Variants in PHC2 observed in about 807,000 individuals in gnomAD.
The protein encoded by PHC2 is polyhomeotic homolog 2.
PHC2 carries 29 observed loss-of-function variants against 87.4 expected under a neutral mutation model. The observed-to-expected ratio is 0.33, with a 90% confidence interval of 0.25 to 0.45. The LOEUF (loss-of-function observed/expected upper bound fraction) is 0.45, where lower values mean the gene tolerates loss of function less well. Ranked by LOEUF, PHC2 falls within the 20% of genes least tolerant of loss-of-function variation. The pLI is 1.00. For missense variants in PHC2, 857 were observed against 1,136.7 expected, an observed-to-expected ratio of 0.75 and a Z score of 3.54; for synonymous variants, 438 against 461.7, an observed-to-expected ratio of 0.95 and a Z score of 0.66.
chr1:33,406,479 A>G (rs1027660368), intron 1 of PHC2, among the ~76,000 whole-genome samples: 2 of 152,184 alleles, frequency 1.3e-5, no homozygotes, highest in Admixed American at 6.5e-5. Flanking sequence ...CCAGGTTATG[A>G]CAACCAAAAA....
intron 14 of PHC2, among the ~76,000 whole-genome samples, chr1:33,327,794 G>A (rs1029349637): frequency 1.3e-5 from 2 of 152,172 alleles, no homozygotes; most frequent in Non-Finnish European, 2.9e-5. Flanking sequence ...GGCAAATCAC[G>A]TGAGTGAGGC....
chr1:33,414,213 A>G (rs1557848120), intron 1 of PHC2, among the ~76,000 whole-genome samples: 3 of 151,704 alleles, frequency 2.0e-5, no homozygotes, highest in African/African-American at 7.3e-5. Context: ...ACACACACAC[A>G]CACACAAGAA....
intron 2 of PHC2, among the ~76,000 whole-genome samples, chr1:33,373,466 T>C (rs1647983595): frequency 6.6e-6 from 1 of 152,082 alleles, no homozygotes; most frequent in African/African-American, 2.4e-5. Flanking sequence ...ATTCCCTCTT[T>C]TTAGCTGCTG....
At chr1:33,367,469 G>A (rs1314184089) in intron 6 of PHC2, 41 bp from the exon 7 acceptor site, 2 of 1,442,130 alleles carry the variant, frequency 1.4e-6, no homozygotes, top group Non-Finnish European at 1.9e-6. Context: ...GAATGTGGCA[G>A]GAGCAATGCC....
Position 33,330,089 on chromosome 1 carries a change from G to A in PHC2, c.2130C>T (p.Thr710=). Residue 710 remains threonine, a synonymous_variant, in exon 13 of 15, where the codon ACC becomes ACT. Coordinates refer to ENST00000683057, the MANE Select transcript of PHC2 (RefSeq NM_001385109.1). Reference sequence around the variant, plus strand: ...CTCTTACCTGCTTCTTGGTATCCTTGGTAAGTGGTGGCAGACTGGCTTTGC... The same window carrying A: ...CTCTTACCTGCTTCTTGGTATCCTTAGTAAGTGGTGGCAGACTGGCTTTGC... ...RASKASLPPL[T]KDTKKQPTGT... 1.2e-6 allele frequency: 2 copies of A among 1,614,044 alleles called. No homozygotes were observed. The highest frequency in any genetic ancestry group is 8.5e-7 in the Non-Finnish European group (1 of 1,180,004).
At chr1:33,333,591 G>A (rs1442694241) in intron 10 of PHC2, 1 of 165,804 alleles carries the variant, frequency 6.0e-6, no homozygotes, top group Non-Finnish European at 1.3e-5. Flanking sequence ...CCCCTTTCAA[G>A]GCTCTGTCCC....
At chr1:33,366,734 G>C (rs1647473436) in intron 7 of PHC2, among the ~76,000 whole-genome samples, 1 of 152,210 alleles carries the variant, frequency 6.6e-6, no homozygotes. Flanking sequence ...CTCTCTGTCT[G>C]GTTCTTACAT....
chr1:33,423,959 T>C (rs1047413958), intron 1 of PHC2, among the ~76,000 whole-genome samples: 43 of 152,176 alleles, frequency 2.8e-4, no homozygotes, highest in African/African-American at 1.0e-3. Context: ...TAGCCGGGCA[T>C]GGTGGCACAC....
At chr1:33,415,973 A>G (rs985210187) in intron 1 of PHC2, among the ~76,000 whole-genome samples, 26 of 152,204 alleles carry the variant, frequency 1.7e-4, no homozygotes, top group African/African-American at 5.8e-4. Flanking sequence ...GCACAGAGAC[A>G]CAGGAGACTG....
intron 1 of PHC2, among the ~76,000 whole-genome samples, chr1:33,408,638 T>C (rs972086563): frequency 6.6e-6 from 1 of 152,108 alleles, no homozygotes; most frequent in African/African-American, 2.4e-5. Context: ...TTTTTTTGTT[T>C]GTTTTTTTAG....
chr1:33,328,682 T>G (rs1452623890), intron 14 of PHC2, among the ~76,000 whole-genome samples, 188 bp downstream of exon 14: 1 of 152,220 alleles, frequency 6.6e-6, no homozygotes, highest in Non-Finnish European at 1.5e-5. Context: ...GGAATATTTA[T>G]AGTTTGCATT....
At chr1:33,355,757 C>T (rs1238543495) in intron 7 of PHC2, among the ~76,000 whole-genome samples, 1 of 152,228 alleles carries the variant, frequency 6.6e-6, no homozygotes, top group Non-Finnish European at 1.5e-5. Context: ...AACGGTGGTT[C>T]TTGGATCCTG....
At chr1:33,365,276 G>A (rs899396682) in intron 7 of PHC2, among the ~76,000 whole-genome samples, 3 of 152,174 alleles carry the variant, frequency 2.0e-5, no homozygotes, top group Admixed American at 6.5e-5. Context: ...TCTAGCACAC[G>A]ACGGACGTCC....
chr1:33,329,906 G>A (rs774725718), intron 13 of PHC2, among the ~76,000 whole-genome samples, 165 bp downstream of exon 13: 1 of 152,196 alleles, frequency 6.6e-6, no homozygotes, highest in Admixed American at 6.5e-5. Context: ...TAAATGAAGG[G>A]ACCTACTGGG....
intron 9 of PHC2, among the ~76,000 whole-genome samples, chr1:33,350,811 T>C (rs1413881702): frequency 6.6e-6 from 1 of 152,206 alleles, no homozygotes; most frequent in Non-Finnish European, 1.5e-5. Context: ...CTCCTCTATT[T>C]TTCAAATTTT....
At chr1:33,365,808 G>A (rs1268783863) in intron 7 of PHC2, among the ~76,000 whole-genome samples, 1 of 152,192 alleles carries the variant, frequency 6.6e-6, no homozygotes, top group Non-Finnish European at 1.5e-5. Flanking sequence ...TTTTGACCCC[G>A]TTTCCTCCTA....
chr1:33,405,548 A>C (rs547525027), intron 1 of PHC2, among the ~76,000 whole-genome samples: 2 of 151,956 alleles, frequency 1.3e-5, no homozygotes, highest in South Asian at 4.2e-4. Flanking sequence ...CCTCTCTATA[A>C]GTGTTTTCTA....
chr1:33,404,813 G>A (rs569572399), intron 1 of PHC2, among the ~76,000 whole-genome samples: 11 of 152,196 alleles, frequency 7.2e-5, no homozygotes, highest in African/African-American at 1.2e-4. Context: ...AAGAATAACA[G>A]GTTGCTCTCT....
intron 1 of PHC2, among the ~76,000 whole-genome samples, chr1:33,426,273 A>C (rs943772476): frequency 1.4e-4 from 22 of 152,192 alleles, no homozygotes; most frequent in Admixed American, 5.2e-4. Context: ...GACAGAACAG[A>C]AGCATTCCAG....
Sources: allele counts gnomAD v4.1 joint callset (sites outside exome capture counted in the v4.1 genomes callset), GRCh38; gene constraint gnomAD v4.1.1; transcripts MANE v1.5; gene names NCBI Gene and HGNC (gene_info 2026-07-23, HGNC 2026-07-21).